Variants in ZNF592 observed in about 807,000 individuals in gnomAD.
The protein encoded by ZNF592 is spinocerebellar ataxia, autosomal recessive 5.
A neutral mutation model predicts 80.3 loss-of-function variants in ZNF592; 11 were observed. The ratio of observed to expected loss-of-function variants is 0.14; its 90% CI spans 0.09 to 0.23. ZNF592 has a LOEUF of 0.23. ZNF592 is among the 10% of genes least tolerant of loss of function. The probability of loss-of-function intolerance (pLI) is 1.00; values close to 1 mark genes in which losing one functional copy is unlikely to be tolerated. For missense variants in ZNF592, 1,420 were observed against 1,633.9 expected, an observed-to-expected ratio of 0.87 and a Z score of 2.26; for synonymous variants, 646 against 640.3, an observed-to-expected ratio of 1.01 and a Z score of -0.13.
At chr15:84,796,382 G>A (rs888021451) in intron 5 of ZNF592, among the ~76,000 whole-genome samples, 3 of 149,806 alleles carry the variant, frequency 2.0e-5, no homozygotes, top group East Asian at 2.0e-4. Context: ...CCTCTCTTTA[G>A]TGCCTATGGG....
At chr15:84,749,959 G>A (rs1311936119) in intron 1 of ZNF592, among the ~76,000 whole-genome samples, 2 of 152,258 alleles carry the variant, frequency 1.3e-5, no homozygotes, top group African/African-American at 2.4e-5. Context: ...ACATTGGTAA[G>A]CCAGAAAGAT....
intron 1 of ZNF592, among the ~76,000 whole-genome samples, chr15:84,751,236 A>T (rs1230770203): frequency 6.6e-6 from 1 of 152,250 alleles, no homozygotes; most frequent in Non-Finnish European, 1.5e-5. Flanking sequence ...TATTTAACTT[A>T]GTCCTCTCTA....
At chr15:84,786,497 G>C (rs1215110980) in intron 4 of ZNF592, among the ~76,000 whole-genome samples, 2 of 152,152 alleles carry the variant, frequency 1.3e-5, no homozygotes, top group Admixed American at 6.5e-5. Flanking sequence ...GCATGAGGCT[G>C]GTCTTGGAAA....
rs750023260 is a variant in ZNF592, at chr15:84,797,823, A to C, written c.2400-46A>C. 4.3e-6 allele frequency: 7 copies of C among 1,609,644 alleles called. No homozygotes were observed. In the African/African-American group the frequency reaches 9.4e-5, roughly 22 times the overall value. On this transcript the variant is annotated intron_variant, in intron 5 of 10. Transcript: ENST00000560079. The stretch of plus-strand genomic sequence containing the variant: ...TTGCAGCACCACCTCTGGGTCCAGT[A>C]CTCCCTATACTCCACCCACACTCAC...
chr15:84,754,594 A>C (rs1322489425), intron 1 of ZNF592: 3 of 150,548 alleles, frequency 2.0e-5, no homozygotes, highest in Non-Finnish European at 4.4e-5. Flanking sequence ...GGGGCCCGGC[A>C]TGGTGGTTTA....
chr15:84,781,197 A>G (rs1962412696), intron 3 of ZNF592, among the ~76,000 whole-genome samples: 2 of 151,908 alleles, frequency 1.3e-5, no homozygotes, highest in African/African-American at 4.8e-5. Context: ...TAAGGCGCCC[A>G]CCACCACGCC....
chr15:84,786,815 AT>A (rs756876894), intron 4 of ZNF592, among the ~76,000 whole-genome samples: 1 of 102,432 alleles, frequency 9.8e-6, no homozygotes, highest in Admixed American at 9.4e-5. Flanking sequence ...TGGGCCTGGG[AT>A]TTTTTCACAC....
In ZNF592 at chr15:84,764,780, C is replaced by T. The variant is rs955707392; in HGVS notation, c.-185C>T. 5.0e-6 allele frequency: 2 copies of T among 398,956 alleles called. No individual in the cohort carries two copies. The highest frequency in any genetic ancestry group is 8.8e-6 in the Non-Finnish European group (2 of 226,058). The allele number at this position is 398,956 out of a possible 1,614,324, so 24.7% of individuals were successfully genotyped here. A position where few individuals can be genotyped will look rare whatever the true frequency, so the allele number is the denominator to read the frequency against. ...CTCCGCAGCTCTGCTCCCCTAGCAA[C>T]GCTCGCCACACCCTTGTTTTGAGAT... is the stretch of plus-strand genomic sequence containing the variant. On this transcript the variant is annotated 5_prime_UTR_variant, in exon 2 of 11. The change creates a new upstream start codon in the 5' untranslated region. Transcript: ENST00000560079.
intron 1 of ZNF592, among the ~76,000 whole-genome samples, chr15:84,758,441 C>T (rs1211110775): frequency 6.6e-6 from 1 of 151,958 alleles, no homozygotes; most frequent in Admixed American, 6.6e-5. Context: ...CACCACCACA[C>T]CAACTAATTT....
intron 10 of ZNF592, 128 bp from the exon 11 acceptor site, chr15:84,801,735 C>G: frequency 7.5e-7 from 1 of 1,327,006 alleles, no homozygotes; most frequent in Non-Finnish European, 1.1e-6. Flanking sequence ...AAACGTAAAC[C>G]AGCGTTCAGG....
At chr15:84,755,827 A>G (rs1164320994) in intron 1 of ZNF592, among the ~76,000 whole-genome samples, 2 of 152,204 alleles carry the variant, frequency 1.3e-5, no homozygotes, top group Admixed American at 1.3e-4. Context: ...CTCTCAGGGT[A>G]AGATGCTTTT....
At chr15:84,777,138 TC>T (rs1962277288) in intron 2 of ZNF592, among the ~76,000 whole-genome samples, 2 of 151,856 alleles carry the variant, frequency 1.3e-5, no homozygotes, top group Non-Finnish European at 2.9e-5. Flanking sequence ...CTATTTTTTT[TC>T]CTTTTTGTAT....
Position 84,783,958 on chromosome 15 carries a change from TG to T in ZNF592, c.1285del (p.Glu429LysfsTer24). ...GAGATGCCAGGGGATGAGGTGCCTG[TG>T]GAAGAGCACTTTCCTGAGGCAGGCA... ...PSEMPGDEVPVEEHFPEAGTN... is the reference protein window; with the variant it reads ...PSEMPGDEVPXEEHFPEAGTN... On this transcript the variant is annotated frameshift_variant, in exon 4 of 11. Transcript: ENST00000560079. LOFTEE classifies it high-confidence loss of function. The surrounding 1 kb of genome is among the most constrained non-coding windows in gnomAD (Gnocchi z 5.0). 6.2e-7 allele frequency: 1 copy of T among 1,613,684 alleles called. No individual in the cohort carries two copies. Among genetic ancestry groups the T allele is most frequent in the Non-Finnish European group, 8.5e-7 (1 of 1,179,628 alleles).
At chr15:84,760,133 A>T (rs1394615173) in intron 1 of ZNF592, among the ~76,000 whole-genome samples, 1 of 152,082 alleles carries the variant, frequency 6.6e-6, no homozygotes, top group Non-Finnish European at 1.5e-5. Flanking sequence ...AGTGGTTAAA[A>T]AAAAAAAGAA....
At chr15:84,750,902 CCTT>C (rs1898995135) in intron 1 of ZNF592, among the ~76,000 whole-genome samples, 1 of 152,130 alleles carries the variant, frequency 6.6e-6, no homozygotes, top group African/African-American at 2.4e-5. Context: ...ATGCCTCCCT[CCTT>C]AGTTTGGTTT....
At chr15:84,800,678 T>C (rs1963067147) in intron 10 of ZNF592, among the ~76,000 whole-genome samples, 1 of 152,204 alleles carries the variant, frequency 6.6e-6, no homozygotes, top group Non-Finnish European at 1.5e-5. Flanking sequence ...GGGGTATCGA[T>C]TGATGTTTTT....
intron 2 of ZNF592, among the ~76,000 whole-genome samples, chr15:84,773,459 C>T (rs911411320): frequency 6.6e-6 from 1 of 152,040 alleles, no homozygotes; most frequent in Non-Finnish European, 1.5e-5. Flanking sequence ...GATCCACCCG[C>T]CTCGACCTCC....
intron 5 of ZNF592, among the ~76,000 whole-genome samples, chr15:84,795,005 ATAT>A (rs201102751): frequency 0.013 from 1,996 of 151,872 alleles, 21 homozygotes; most frequent in African/African-American, 0.026. Flanking sequence ...GAGTTTTACA[ATAT>A]TATTTTATGT....
intron 1 of ZNF592, among the ~76,000 whole-genome samples, chr15:84,762,127 T>G (rs905701616): frequency 1.4e-4 from 22 of 152,214 alleles, no homozygotes; most frequent in Admixed American, 1.3e-4. Context: ...TGTGATGGTC[T>G]GCTATGTGCC....
Sources: allele counts gnomAD v4.1 joint callset (sites outside exome capture counted in the v4.1 genomes callset), GRCh38; gene constraint gnomAD v4.1.1; non-coding constraint Gnocchi (gnomAD v3.1); transcripts MANE v1.5; gene names NCBI Gene and HGNC (gene_info 2026-07-23, HGNC 2026-07-21).